The following MITF variants were observed in gnomAD, a reference collection of about 807,000 sequenced individuals.
MITF encodes the protein melanocyte inducing transcription factor.
In MITF, 17 loss-of-function variants were observed where a neutral mutation model predicts 60.5. That is an observed-to-expected ratio of 0.28 (90% confidence interval 0.19 to 0.42). The LOEUF (loss-of-function observed/expected upper bound fraction) is 0.42, where lower values mean the gene tolerates loss of function less well. MITF is among the 10% of genes least tolerant of loss of function. The pLI, the probability that MITF is intolerant of heterozygous loss-of-function variation, is 1.00. For missense variants in MITF, 622 were observed against 683.5 expected (o/e 0.91, Z 1.00); for synonymous variants, 260 against 248.5 (o/e 1.05, Z -0.43).
chr3:69,814,986 T>G (rs1045269076), intron 1 of MITF, among the ~76,000 whole-genome samples: 1 of 152,130 alleles, frequency 6.6e-6, no homozygotes, highest in Non-Finnish European at 1.5e-5. Flanking sequence ...AATCGCACTG[T>G]AAGGATAAAC....
At chr3:69,792,376 CT>C (rs1211827695) in intron 1 of MITF, among the ~76,000 whole-genome samples, 2 of 152,174 alleles carry the variant, frequency 1.3e-5, no homozygotes, top group African/African-American at 4.8e-5. Context: ...CAGTGATGCC[CT>C]TTTTTTCTTT....
chr3:69,928,142 C>T (rs2107452148), intron 2 of MITF, among the ~76,000 whole-genome samples: 1 of 152,324 alleles, frequency 6.6e-6, no homozygotes, highest in East Asian at 1.9e-4. Flanking sequence ...CCACCTACTT[C>T]TGTTAGAGAT....
chr3:69,950,772 G>GA (rs942829158), intron 6 of MITF, among the ~76,000 whole-genome samples: 1 of 151,892 alleles, frequency 6.6e-6, no homozygotes, highest in African/African-American at 2.4e-5. Flanking sequence ...TGGATCCCCA[G>GA]ATTGGTCAAG....
chr3:69,854,508 TTG>T lies in MITF; in HGVS notation c.105-24622_105-24621del, dbSNP rs532179798. ...TTGTTATACTATATTGAGTTTTTATTTGTGTTATTTTTTATTGTTGCATTGTT... is the reference window on the plus strand; with the variant it reads ...TTGTTATACTATATTGAGTTTTTATTTGTTATTTTTTATTGTTGCATTGTT... On this transcript the variant is annotated intron_variant, in intron 1 of 9. Transcript: ENST00000352241. Among the ~76,000 whole-genome samples, 12 of 152,356 alleles carry T rather than the reference TTG, an allele frequency of 7.9e-5. 1 individual carries two copies. In the South Asian group the frequency reaches 2.5e-3, roughly 32 times the overall value.
intron 1 of MITF, among the ~76,000 whole-genome samples, chr3:69,856,409 G>A (rs1024536474): frequency 3.4e-4 from 51 of 152,128 alleles, no homozygotes; most frequent in African/African-American, 9.2e-4. Context: ...TGTCTGGACC[G>A]GCAGGTGTCT....
At position 69,739,497 on chromosome 3, in the gene MITF, G is replaced by T; in HGVS notation, c.-101G>T. 8.7e-7 allele frequency: 1 copy of T among 1,147,006 alleles called. No homozygotes were observed. Among genetic ancestry groups the T allele is most frequent in the Non-Finnish European group, 1.3e-6 (1 of 783,248 alleles). 71.1% of individuals were successfully genotyped at this position (1,147,006 alleles called of 1,614,324 possible). A position where few individuals can be genotyped will look rare whatever the true frequency, so the allele number is the denominator to read the frequency against. On this transcript the variant is annotated 5_prime_UTR_variant, in exon 1 of 10. Coordinates refer to ENST00000352241, the MANE Select transcript of MITF (RefSeq NM_001354604.2). ...GCGAGCGGGCAGAGCTCGGCACTGC[G>T]CCGGGGCGCACGGCTCGGGGGACCC...
chr3:69,936,921 T>C (rs2065849197), intron 2 of MITF: 2 of 634,794 alleles, frequency 3.2e-6, no homozygotes, highest in Admixed American at 6.4e-5. Flanking sequence ...AATGTAGTTT[T>C]GAACAAAGTA....
intron 3 of MITF, chr3:69,938,814 G>A (rs532330699): frequency 1.7e-5 from 24 of 1,389,462 alleles, no homozygotes; most frequent in South Asian, 9.4e-5. Context: ...ATGCAAATTC[G>A]GAGGCAACTT....
chr3:69,949,325 C>G (rs186002522), intron 6 of MITF, among the ~76,000 whole-genome samples, 157 bp downstream of exon 6: 107 of 152,056 alleles, frequency 7.0e-4, no homozygotes, highest in African/African-American at 2.5e-3. Context: ...TATTTTAAGA[C>G]GGAGAATTTA....
intron 8 of MITF, among the ~76,000 whole-genome samples, chr3:69,958,415 A>G (rs2066453528): frequency 6.6e-6 from 1 of 152,094 alleles, no homozygotes; most frequent in Admixed American, 6.6e-5. Context: ...TGTCCCTCTT[A>G]TGGGAGAACT....
chr3:69,791,533 A>C (rs1035846842), intron 1 of MITF, among the ~76,000 whole-genome samples: 1 of 152,238 alleles, frequency 6.6e-6, no homozygotes, highest in African/African-American at 2.4e-5. Flanking sequence ...TGTCAATAGA[A>C]AGGAATCTAG....
chr3:69,773,082 T>C (rs991610347), intron 1 of MITF, among the ~76,000 whole-genome samples: 4 of 151,856 alleles, frequency 2.6e-5, no homozygotes, highest in Admixed American at 2.0e-4. Context: ...ACTGAGAAAA[T>C]GACATTTGAG....
intron 9 of MITF, 54 bp from the exon 10 acceptor site, chr3:69,964,793 A>G (rs2066641213): frequency 5.1e-6 from 8 of 1,582,236 alleles, no homozygotes; most frequent in Non-Finnish European, 6.1e-6. Flanking sequence ...TCACAGGCTT[A>G]AAAGTCCTCT....
intron 1 of MITF, among the ~76,000 whole-genome samples, chr3:69,846,794 G>A (rs1432593468): frequency 7.1e-6 from 1 of 141,060 alleles, no homozygotes; most frequent in African/African-American, 2.7e-5. Context: ...TCCAGCCTGG[G>A]CAACAGAGTG....
At chr3:69,866,934 G>C (rs910046449) in intron 1 of MITF, among the ~76,000 whole-genome samples, 3 of 150,992 alleles carry the variant, frequency 2.0e-5, no homozygotes, top group African/African-American at 7.3e-5. Flanking sequence ...AGGGGAAACA[G>C]ACATCCAAAC....
intron 2 of MITF, 33 bp from the exon 3 acceptor site, chr3:69,937,789 G>C (rs771636078): frequency 6.3e-7 from 1 of 1,575,642 alleles, no homozygotes; most frequent in South Asian, 1.1e-5. Flanking sequence ...AAATAACAGC[G>C]CTGTTTTCTT....
chr3:69,832,572 C>A (rs1424217377), intron 1 of MITF, among the ~76,000 whole-genome samples: 1 of 152,152 alleles, frequency 6.6e-6, no homozygotes, highest in Non-Finnish European at 1.5e-5. Flanking sequence ...AGTGGATCAC[C>A]TTCGTAGCTT....
intron 1 of MITF, among the ~76,000 whole-genome samples, chr3:69,826,883 C>T (rs2063363506): frequency 6.6e-6 from 1 of 152,156 alleles, no homozygotes; most frequent in Non-Finnish European, 1.5e-5. Context: ...TTTCTCAGGG[C>T]CTGCACATGC....
intron 2 of MITF, among the ~76,000 whole-genome samples, chr3:69,932,378 C>G (rs1296826450): frequency 6.6e-6 from 1 of 152,054 alleles, no homozygotes; most frequent in Non-Finnish European, 1.5e-5. Flanking sequence ...AAATATTCTT[C>G]TTTTCATTTT....
Sources: allele counts gnomAD v4.1 joint callset (sites outside exome capture counted in the v4.1 genomes callset), GRCh38; gene constraint gnomAD v4.1.1; transcripts MANE v1.5; gene names NCBI Gene and HGNC (gene_info 2026-07-23, HGNC 2026-07-21).